The following SHMT1 variants were observed in gnomAD, a reference collection of about 807,000 sequenced individuals.
SHMT1 encodes serine hydroxymethyltransferase, cytosolic.
Under a neutral mutation model 49.0 loss-of-function variants are expected in SHMT1, and 45 were observed. That is an observed-to-expected ratio of 0.92 (90% CI 0.72 to 1.18). SHMT1 has a LOEUF of 1.18. Ranked by LOEUF, SHMT1 falls within the 50% of genes most tolerant of loss-of-function variation. The pLI, the probability that SHMT1 is intolerant of heterozygous loss-of-function variation, is 0.00. For synonymous variants in SHMT1, 232 were observed against 246.6 expected, an observed-to-expected ratio of 0.94 and a Z score of 0.55; for missense variants, 541 against 612.4, an observed-to-expected ratio of 0.88 and a Z score of 1.23.
intron 4 of SHMT1, among the ~76,000 whole-genome samples, chr17:18,347,914 G>GTTTTTT (rs753251331): frequency 7.3e-6 from 1 of 137,594 alleles, no homozygotes; most frequent in Non-Finnish European, 1.6e-5. Flanking sequence ...ATTTATGGCA[G>GTTTTTT]TTTTTTTTTT....
intron 10 of SHMT1, 50 bp from the exon 11 acceptor site, chr17:18,329,438 A>AC: frequency 7.1e-7 from 1 of 1,417,390 alleles, no homozygotes; most frequent in Non-Finnish European, 9.9e-7. Flanking sequence ...CACCACTGTG[A>AC]TGGTGGTGCA....
intron 1 of SHMT1, among the ~76,000 whole-genome samples, chr17:18,357,874 T>TA (rs949242107): frequency 2.7e-5 from 4 of 147,682 alleles, no homozygotes; most frequent in African/African-American, 7.5e-5. Flanking sequence ...CTTTTTTTTT[T>TA]TTTTTTTGAG....
At position 18,347,522 on chromosome 17, in the gene SHMT1, T is replaced by TG. The variant is rs751787211; in HGVS notation, c.492dup (p.Ile165HisfsTer4). On this transcript the variant is annotated frameshift_variant, in exon 5 of 12. Coordinates refer to ENST00000316694, the MANE Select transcript of SHMT1 (RefSeq NM_004169.5). LOFTEE classifies it high-confidence loss of function. ...TTGTAGGGCATAGATTCAAAGAAGA[T>TG]GGACGTGGCAGAGATTTTCTTCTTG... 1.2e-6 allele frequency: 2 copies of TG among 1,614,184 alleles called. No individual in the cohort carries two copies. The highest frequency in any genetic ancestry group is 1.7e-6 in the Non-Finnish European group (2 of 1,180,034).
chr17:18,353,510 T>G, intron 3 of SHMT1, 162 bp downstream of exon 3: 1 of 807,266 alleles, frequency 1.2e-6, no homozygotes, highest in Non-Finnish European at 2.2e-6. Flanking sequence ...TGTTATCACA[T>G]GCTGGGAATA....
At chr17:18,350,192 G>A (rs551205712) in intron 3 of SHMT1, among the ~76,000 whole-genome samples, 3 of 152,070 alleles carry the variant, frequency 2.0e-5, no homozygotes, top group African/African-American at 4.8e-5. Flanking sequence ...TTAGCCGGGT[G>A]TGGTGGCGGG....
At chr17:18,346,136 G>C (rs1353200199) in intron 5 of SHMT1, among the ~76,000 whole-genome samples, 3 of 152,094 alleles carry the variant, frequency 2.0e-5, no homozygotes, top group African/African-American at 7.2e-5. Context: ...CCAGCACTGA[G>C]ACAAAGGCTG....
chr17:18,356,046 T>C (rs563083310), intron 1 of SHMT1, 46 bp from the exon 2 acceptor site: 4 of 851,702 alleles, frequency 4.7e-6, no homozygotes, highest in East Asian at 2.8e-5. Context: ...ATTAAATTTA[T>C]TTATTTTATT....
In SHMT1 at chr17:18,340,710, G is replaced by A. The variant is rs748393654; in HGVS notation, c.601+22C>T. On this transcript the variant is annotated intron_variant, in intron 6 of 11. Coordinates refer to ENST00000316694, the MANE Select transcript of SHMT1 (RefSeq NM_004169.5). The surrounding 1 kb of genome is among the most constrained non-coding windows in gnomAD (Gnocchi z 4.5). ...GCACCAGGCTACTGGTGAACAAGGT[G>A]ACTTTCCGCCCCGCGCATCACCTGC... 1 of 1,600,518 alleles carries A rather than the reference G, an allele frequency of 6.2e-7. No homozygotes were observed. Among genetic ancestry groups the A allele is most frequent in the South Asian group, 1.1e-5 (1 of 88,524 alleles).
intron 1 of SHMT1, among the ~76,000 whole-genome samples, chr17:18,359,623 G>T (rs969692831): frequency 6.6e-6 from 1 of 151,748 alleles, no homozygotes; most frequent in Non-Finnish European, 1.5e-5. Flanking sequence ...CTGCACTCCA[G>T]TCTGGGTGAC....
chr17:18,340,661 C>T lies in SHMT1; in HGVS notation c.601+71G>A. 1 of 1,392,494 alleles carries T rather than the reference C, an allele frequency of 7.2e-7. No individual in the cohort carries two copies. The highest frequency in any genetic ancestry group is 1.0e-6 in the Non-Finnish European group (1 of 998,484). The allele number at this position is 1,392,494 out of a possible 1,614,324, so 86.3% of individuals were successfully genotyped here. On this transcript the variant is annotated intron_variant, in intron 6 of 11. Coordinates refer to ENST00000316694, the MANE Select transcript of SHMT1 (RefSeq NM_004169.5). This position sits in a 1 kb window ranked among gnomAD's most constrained non-coding sequence, Gnocchi z 4.5. The stretch of plus-strand genomic sequence containing the variant: ...AGTGGGCTCAACAGGGTGCGAACAT[C>T]TTTCCATCCTCATTCTGTAAGAGGC...
Position 18,342,868 on chromosome 17 carries a change from G to A in SHMT1, c.520-2055C>T, listed in dbSNP as rs1055598922. On this transcript the variant is annotated intron_variant, in intron 5 of 11. Coordinates refer to ENST00000316694, the MANE Select transcript of SHMT1 (RefSeq NM_004169.5). ...GGAGAATCACTTGAACCCAGGAGGC[G>A]GAGGTTGCAGTGAGTCAAGATGGTG... 2.0e-5 allele frequency among the ~76,000 whole-genome samples: 3 copies of A among 151,702 alleles called. No individual in the cohort carries two copies. In the East Asian group the frequency reaches 5.9e-4, roughly 30 times the overall value.
At position 18,339,049 on chromosome 17, in the gene SHMT1, T is replaced by TAAAAAA. The variant is rs34704448; in HGVS notation, c.814+988_814+993dup. Among the ~76,000 whole-genome samples the TAAAAAA allele has an allele frequency of 1.2e-3, 33 of 26,874 alleles. 1 individual carries two copies. Among genetic ancestry groups the TAAAAAA allele is most frequent in the African/African-American group, 3.2e-3 (18 of 5,636 alleles). The allele number at this position is 26,874 out of a possible 152,430, so 17.6% of individuals were successfully genotyped here. A position where few individuals can be genotyped will look rare whatever the true frequency, so the allele number is the denominator to read the frequency against. On this transcript the variant is annotated intron_variant, in intron 7 of 11. Coordinates refer to ENST00000316694, the MANE Select transcript of SHMT1 (RefSeq NM_004169.5). Reference sequence around the variant, plus strand: ...ACACCCAAGAATGATCAATAAATACTAAAAAAAAAAAAAAAAAAAAAAAAA... The same window carrying TAAAAAA: ...ACACCCAAGAATGATCAATAAATACTAAAAAAAAAAAAAAAAAAAAAAAAAAAAAAA...
chr17:18,343,479 A>G (rs771803824), intron 5 of SHMT1, among the ~76,000 whole-genome samples: 5 of 151,158 alleles, frequency 3.3e-5, no homozygotes, highest in Non-Finnish European at 7.4e-5. Context: ...ATGGTGGTAC[A>G]CACCTGCAGT....
At chr17:18,352,369 A>G (rs1985811526) in intron 3 of SHMT1, among the ~76,000 whole-genome samples, 1 of 151,948 alleles carries the variant, frequency 6.6e-6, no homozygotes, top group Non-Finnish European at 1.5e-5. Context: ...GATGGTCTCG[A>G]TCTCCTGACC....
At chr17:18,351,382 A>AC (rs1985680811) in intron 3 of SHMT1, among the ~76,000 whole-genome samples, 1 of 151,132 alleles carries the variant, frequency 6.6e-6, no homozygotes, top group Admixed American at 6.6e-5. Context: ...TCCTGACCTC[A>AC]TGATCCACCC....
intron 9 of SHMT1, chr17:18,332,259 A>G (rs1157581817): frequency 1.3e-5 from 2 of 152,260 alleles, no homozygotes; most frequent in Non-Finnish European, 2.9e-5. Flanking sequence ...GTAGAACATA[A>G]AAGAGGGTAC....
At chr17:18,332,750 G>C (rs1297434878) in intron 9 of SHMT1, 1 of 305,564 alleles carries the variant, frequency 3.3e-6, no homozygotes, top group South Asian at 3.0e-5. Context: ...TGGGAGGGGA[G>C]AGCCCCTGCA....
chr17:18,348,684 G>A, intron 3 of SHMT1: 1 of 617,024 alleles, frequency 1.6e-6, no homozygotes, highest in South Asian at 1.4e-5. Context: ...TATAAAAAGA[G>A]GGGGTTTTGG....
In SHMT1 at chr17:18,340,759, G is replaced by A. The variant is rs773523499; in HGVS notation, c.574C>T (p.Leu192Phe). ...GCGATGATCAGCTTCGGGTGGAAGA[G>A]GCGTGCGTTCTCCTCCAGCTGGTCA... is the stretch of plus-strand genomic sequence containing the variant. ...NYDQLEENAR[L>F]FHPKLIIAGT... The change falls in exon 6 of 12, where the codon CTC becomes TTC. Residue 192 changes from leucine to phenylalanine, a missense_variant. Leu to Phe is a conservative substitution (Grantham distance 22, BLOSUM62 0). Transcript: ENST00000316694. The surrounding 1 kb of genome is among the most constrained non-coding windows in gnomAD (Gnocchi z 4.5). 1.2e-6 allele frequency: 2 copies of A among 1,613,140 alleles called. No homozygotes were observed. Among genetic ancestry groups the A allele is most frequent in the Non-Finnish European group, 1.7e-6 (2 of 1,179,728 alleles).
Sources: allele counts gnomAD v4.1 joint callset (sites outside exome capture counted in the v4.1 genomes callset), GRCh38; gene constraint gnomAD v4.1.1; non-coding constraint Gnocchi (gnomAD v3.1); transcripts MANE v1.5; gene names NCBI Gene and HGNC (gene_info 2026-07-23, HGNC 2026-07-21).